The following CD55 variants were observed in gnomAD, a reference collection of about 807,000 sequenced individuals.
CD55 encodes complement decay-accelerating factor.
In CD55, 41 loss-of-function variants were observed where a neutral mutation model predicts 45.8. That is an observed-to-expected ratio of 0.90 (90% CI 0.70 to 1.16). CD55 has a LOEUF of 1.16. Ranked by LOEUF, CD55 falls within the 50% of genes most tolerant of loss-of-function variation. The pLI is 0.00. For missense variants in CD55, 416 were observed against 469.8 expected (o/e 0.89, Z 1.06); for synonymous variants, 181 against 181.1 (o/e 1.00, Z 0.01).
chr1:207,337,442 G>A (rs1655235048), intron 8 of CD55, 33 bp downstream of exon 8: 1 of 1,119,870 alleles, frequency 8.9e-7, no homozygotes, highest in African/African-American at 1.5e-5. Context: ...TACTGAGTAT[G>A]GATCTAATGT....
At chr1:207,340,197 T>A (rs1397807297) in intron 9 of CD55, among the ~76,000 whole-genome samples, 1 of 152,160 alleles carries the variant, frequency 6.6e-6, no homozygotes, top group Non-Finnish European at 1.5e-5. Context: ...AGGTCTCACA[T>A]GTGAGTAAGA....
intron 5 of CD55, 88 bp downstream of exon 5, chr1:207,326,925 G>A (rs1167230188): frequency 3.3e-6 from 3 of 905,372 alleles, no homozygotes; most frequent in Non-Finnish European, 3.5e-6. Flanking sequence ...TATTAGCACA[G>A]TGTGTATTTG....
chr1:207,340,348 T>C (rs1398661715), intron 9 of CD55: 1 of 452,186 alleles, frequency 2.2e-6, no homozygotes, highest in Non-Finnish European at 3.9e-6. Flanking sequence ...AGATTTGTTT[T>C]CTTTCTTTTC....
intron 9 of CD55, among the ~76,000 whole-genome samples, chr1:207,353,543 G>T (rs555203823): frequency 6.6e-6 from 1 of 152,140 alleles, no homozygotes; most frequent in Non-Finnish European, 1.5e-5. Flanking sequence ...GGTTACAGGG[G>T]TCTTTATGTC....
At chr1:207,342,910 C>T (rs1210800124) in intron 9 of CD55, among the ~76,000 whole-genome samples, 1 of 152,090 alleles carries the variant, frequency 6.6e-6, no homozygotes, top group Admixed American at 6.5e-5. Flanking sequence ...CTGTTTCTTC[C>T]TGACTCAGTC....
intron 5 of CD55, among the ~76,000 whole-genome samples, chr1:207,330,100 AAAAAATGCCTGGCGTGT>A (rs1654875267): frequency 6.6e-6 from 1 of 152,126 alleles, no homozygotes; most frequent in Non-Finnish European, 1.5e-5. Context: ...TCCAATTATA[AAAAAATGCCTGGCGTGT>A]GTTAGGCACT....
intron 9 of CD55, among the ~76,000 whole-genome samples, chr1:207,353,371 T>C (rs905470137): frequency 3.3e-5 from 5 of 152,276 alleles, no homozygotes; most frequent in Non-Finnish European, 7.4e-5. Flanking sequence ...AGTCAGGAAA[T>C]ATTCAGTGAA....
At chr1:207,331,915 G>C (rs1422093896) in intron 6 of CD55, among the ~76,000 whole-genome samples, 5 of 152,066 alleles carry the variant, frequency 3.3e-5, no homozygotes, top group Admixed American at 6.5e-5. Context: ...ACATTGCCTA[G>C]TATCAATAGG....
intron 9 of CD55, among the ~76,000 whole-genome samples, chr1:207,346,475 A>T (rs1282079922): frequency 3.9e-5 from 6 of 152,030 alleles, no homozygotes; most frequent in African/African-American, 1.2e-4. Flanking sequence ...TTAGGTGAGG[A>T]CAGTGTGGCT....
chr1:207,338,202 T>A (rs1050652383), intron 8 of CD55, among the ~76,000 whole-genome samples: 1 of 152,194 alleles, frequency 6.6e-6, no homozygotes, highest in African/African-American at 2.4e-5. Context: ...TACTCCATGT[T>A]TCCATAAGTA....
chr1:207,356,911 C>T (rs1656097698), intron 9 of CD55, among the ~76,000 whole-genome samples: 1 of 152,160 alleles, frequency 6.6e-6, no homozygotes, highest in Non-Finnish European at 1.5e-5. Flanking sequence ...GTTCAGAAAA[C>T]TAGTTGTGGA....
chr1:207,343,256 A>C (rs554438067), intron 9 of CD55, among the ~76,000 whole-genome samples: 4 of 151,886 alleles, frequency 2.6e-5, no homozygotes, highest in African/African-American at 9.7e-5. Context: ...TAGTTCCTTA[A>C]GATGCATTGT....
At chr1:207,330,801 C>A (rs916293033) in intron 5 of CD55, among the ~76,000 whole-genome samples, 64 of 152,314 alleles carry the variant, frequency 4.2e-4, no homozygotes, top group African/African-American at 1.3e-3. Context: ...TTCACTTTTC[C>A]TAGCACCGTT....
At chr1:207,323,346 G>A (rs28371594) in intron 2 of CD55, among the ~76,000 whole-genome samples, 1,565 of 151,890 alleles carry the variant, frequency 0.01, 36 homozygotes, top group African/African-American at 0.036. Context: ...CAGGTAGATA[G>A]GTTGATTGTT....
chr1:207,340,210 A>G (rs1388411330), intron 9 of CD55, among the ~76,000 whole-genome samples: 2 of 152,108 alleles, frequency 1.3e-5, no homozygotes, highest in Non-Finnish European at 2.9e-5. Flanking sequence ...GAGTAAGAGC[A>G]TGTGATATTT....
chr1:207,326,020 A>ATAAT (rs10623899), intron 4 of CD55, among the ~76,000 whole-genome samples: 116,000 of 151,750 alleles, frequency 0.76, 45,664 homozygotes, highest in African/African-American at 0.94. Context: ...ACTTGCAGAA[A>ATAAT]TCTTCAAATG....
chr1:207,324,201 T>TA (rs1654561939), intron 2 of CD55, among the ~76,000 whole-genome samples: 1 of 152,174 alleles, frequency 6.6e-6, no homozygotes, highest in African/African-American at 2.4e-5. Context: ...GGTCTGGAAA[T>TA]ACCCTATTCC....
chr1:207,326,709 G>T (rs1383580795), intron 4 of CD55, 43 bp from the exon 5 acceptor site: 2 of 1,404,688 alleles, frequency 1.4e-6, no homozygotes, highest in South Asian at 2.3e-5. Context: ...AGTCAAATAT[G>T]TGTGAATGTA....
At chr1:207,325,800 A>G (rs1654655851) in intron 4 of CD55, 79 bp downstream of exon 4, 3 of 781,488 alleles carry the variant, frequency 3.8e-6, no homozygotes, top group South Asian at 1.6e-5. Flanking sequence ...TGTTAGTTTC[A>G]TGACTGGTAT....
Sources: gnomAD v4.1 joint callset for allele counts (sites outside exome capture counted in the v4.1 genomes callset) on GRCh38, gnomAD v4.1.1 for gene constraint, MANE v1.5 for transcripts, NCBI Gene and HGNC (gene_info 2026-07-23, HGNC 2026-07-21) for gene names.